Variants in VANGL2 observed in about 807,000 individuals in gnomAD.
VANGL2 encodes vang-like protein 2.
Under a neutral mutation model 50.2 loss-of-function variants are expected in VANGL2, and 14 were observed. The observed-to-expected ratio is 0.28, with a 90% CI of 0.18 to 0.44. The LOEUF is 0.44. Among genes scored for constraint, VANGL2 ranks in the 20% least tolerant of loss-of-function variants. The pLI is 1.00. For synonymous variants in VANGL2, 295 were observed against 297.2 expected (o/e 0.99, Z 0.08); for missense variants, 533 against 701.5 (o/e 0.76, Z 2.71).
At chr1:160,416,880 A>T (rs561968164) in intron 3 of VANGL2, among the ~76,000 whole-genome samples, 1 of 152,114 alleles carries the variant, frequency 6.6e-6, no homozygotes, top group African/African-American at 2.4e-5. Flanking sequence ...CCTTGGGATC[A>T]TCTTTGGGGG....
intron 1 of VANGL2, among the ~76,000 whole-genome samples, chr1:160,415,348 T>C (rs1651017923): frequency 6.6e-6 from 1 of 152,206 alleles, no homozygotes; most frequent in African/African-American, 2.4e-5. Flanking sequence ...AGCAATGCCC[T>C]GCTCCTCCCT....
chr1:160,415,530 T>TC, intron 1 of VANGL2, 118 bp from the exon 2 acceptor site: 1 of 425,808 alleles, frequency 2.3e-6, no homozygotes, highest in South Asian at 2.2e-5. Context: ...GGAGATATTC[T>TC]CAGGCTATGG....
At chr1:160,401,773 G>A (rs1456011590) in intron 1 of VANGL2, among the ~76,000 whole-genome samples, 1 of 152,032 alleles carries the variant, frequency 6.6e-6, no homozygotes, top group Non-Finnish European at 1.5e-5. Context: ...ACGGGAAAGA[G>A]GTGTGTAGGT....
Position 160,419,001 on chromosome 1 carries a change from G to T in VANGL2, c.193-1G>T. ...TGTGGCTGGCCCCCTTCTGCCTGTA[G>T]GATGACAACTGGGGGGAAACGACGA... On this transcript the variant is annotated splice_acceptor_variant, in intron 3 of 7. Coordinates refer to ENST00000368061, the MANE Select transcript of VANGL2 (RefSeq NM_020335.3). LOFTEE classifies it high-confidence loss of function. The surrounding 1 kb of genome is among the most constrained non-coding windows in gnomAD (Gnocchi z 5.8). 1 of 1,603,718 alleles carries T rather than the reference G, an allele frequency of 6.2e-7. No homozygotes were observed. The highest frequency in any genetic ancestry group is 8.5e-7 in the Non-Finnish European group (1 of 1,172,732).
chr1:160,407,127 A>C (rs770052350), intron 1 of VANGL2, among the ~76,000 whole-genome samples: 3 of 152,190 alleles, frequency 2.0e-5, no homozygotes, highest in Admixed American at 6.5e-5. Context: ...GACTGTGAAC[A>C]AAAACATGCA....
rs1393897679 is a variant in VANGL2 at position 160,427,247 on chromosome 1, A to G, written c.*1869A>G. 1 of 152,682 alleles carries G rather than the reference A, an allele frequency of 6.5e-6. No homozygotes were observed. The highest frequency in any genetic ancestry group is 1.9e-4 in the East Asian group (1 of 5,196). 9.5% of individuals were successfully genotyped at this position (152,682 alleles called of 1,614,324 possible). ...CACATAAATACCTCACTATCCTGGA[A>G]AACAGGGCCTGGATGGTGACTGGGG... On this transcript the variant is annotated 3_prime_UTR_variant, in exon 8 of 8. Coordinates refer to ENST00000368061, the MANE Select transcript of VANGL2 (RefSeq NM_020335.3).
rs1305988614 is a variant in VANGL2, at chr1:160,428,262, C to T, written c.*2884C>T. 1 of 152,816 alleles carries T rather than the reference C, an allele frequency of 6.5e-6. No homozygotes were observed. The highest frequency in any genetic ancestry group is 1.5e-5 in the Non-Finnish European group (1 of 68,180). 9.5% of individuals were successfully genotyped at this position (152,816 alleles called of 1,614,324 possible). On this transcript the variant is annotated 3_prime_UTR_variant, in exon 8 of 8. Transcript: ENST00000368061. Reference sequence around the variant, plus strand: ...GTCCCAGGCTAACTCCCCTGTTCCTCTGTGGTGTCTGTCAGTCCGTCTGTC... The same window carrying T: ...GTCCCAGGCTAACTCCCCTGTTCCTTTGTGGTGTCTGTCAGTCCGTCTGTC...
At chr1:160,420,572 T>G (rs1036285620) in intron 5 of VANGL2, 25 bp downstream of exon 5, 1 of 1,614,024 alleles carries the variant, frequency 6.2e-7, no homozygotes, top group Admixed American at 1.7e-5. Context: ...TCCTCTGCCC[T>G]TCCCTGTCTC....
chr1:160,403,069 A>G (rs980233312), intron 1 of VANGL2, among the ~76,000 whole-genome samples: 1 of 151,958 alleles, frequency 6.6e-6, no homozygotes, highest in Non-Finnish European at 1.5e-5. Flanking sequence ...AGGCCTGGAG[A>G]TAAGAGTAGT....
intron 1 of VANGL2, among the ~76,000 whole-genome samples, chr1:160,412,381 C>A (rs770301120): frequency 7.9e-5 from 12 of 151,986 alleles, no homozygotes. Flanking sequence ...GTGACCCACT[C>A]GTTGCCTTTG....
chr1:160,415,896 C>T lies in VANGL2; in HGVS notation c.59C>T (p.Ser20Phe). The change falls in exon 2 of 8, where the codon TCC becomes TTC. Residue 20 changes from serine (S) to phenylalanine (F), a missense_variant. By Grantham distance (155) the Ser-to-Phe change is radical. Transcript: ENST00000368061. ...TACAAGTCGGGCCACTCCCGCAGCT[C>T]CCGCAAGCACAGGTGGGCAGGCATG... is the stretch of plus-strand genomic sequence containing the variant. ...YSYKSGHSRS[S>F]RKHRDRRDRH... is the part of the protein sequence containing the mutation. 6.2e-7 allele frequency: 1 copy of T among 1,614,140 alleles called. No homozygotes were observed. Among genetic ancestry groups the T allele is most frequent in the East Asian group, 2.2e-5 (1 of 44,872 alleles).
At chr1:160,420,133 C>T (rs914247787) in intron 4 of VANGL2, among the ~76,000 whole-genome samples, 5 of 152,088 alleles carry the variant, frequency 3.3e-5, no homozygotes, top group African/African-American at 7.2e-5. Flanking sequence ...CTTGGGGGAA[C>T]GCTGAATGGG....
Position 160,408,480 on chromosome 1 carries a change from C to G in VANGL2, c.-190-7168C>G, listed in dbSNP as rs12047327. 2.1e-3 allele frequency among the ~76,000 whole-genome samples: 319 copies of G among 152,290 alleles called. 2 individuals carry two copies. The East Asian group carries it at 0.024, about 12-fold the overall frequency. On this transcript the variant is annotated intron_variant, in intron 1 of 7. Transcript: ENST00000368061. ...GGAGCCCAGTCTGTGGGCCCTTCCCCTGCGGTGCACCCTGCACTGGGGTCT... is the reference window on the plus strand; with the variant it reads ...GGAGCCCAGTCTGTGGGCCCTTCCCGTGCGGTGCACCCTGCACTGGGGTCT...
chr1:160,408,139 G>T (rs1022303838), intron 1 of VANGL2, among the ~76,000 whole-genome samples: 2 of 151,830 alleles, frequency 1.3e-5, no homozygotes, highest in Non-Finnish European at 2.9e-5. Flanking sequence ...GTGTTGGGGG[G>T]CAGGTACCTT....
chr1:160,420,964 A>T, intron 5 of VANGL2, 88 bp from the exon 6 acceptor site: 2 of 1,579,048 alleles, frequency 1.3e-6, no homozygotes, highest in Non-Finnish European at 1.7e-6. Flanking sequence ...TCTTCTGGAC[A>T]TGTCAGGCTG....
chr1:160,402,977 CAATTGG>C (rs367665566), intron 1 of VANGL2, among the ~76,000 whole-genome samples: 24 of 152,158 alleles, frequency 1.6e-4, no homozygotes, highest in African/African-American at 5.8e-4. Context: ...TGGGCAATTG[CAATTGG>C]AATGTTAGAG....
intron 3 of VANGL2, among the ~76,000 whole-genome samples, chr1:160,416,420 TG>T (rs929804827): frequency 6.6e-6 from 1 of 151,040 alleles, no homozygotes; most frequent in Non-Finnish European, 1.5e-5. Flanking sequence ...TCCAGAGGAG[TG>T]GGGGGTGACC....
At chr1:160,425,016 G>A (rs1651401820) in intron 7 of VANGL2, 102 bp from the exon 8 acceptor site, 2 of 1,547,462 alleles carry the variant, frequency 1.3e-6, no homozygotes, top group Non-Finnish European at 1.8e-6. Flanking sequence ...CATAGAGTGA[G>A]CTCAGGGACG....
At chr1:160,415,619 G>T (rs1221543346) in intron 1 of VANGL2, 29 bp from the exon 2 acceptor site, 7 of 595,818 alleles carry the variant, frequency 1.2e-5, no homozygotes, top group Non-Finnish European at 1.8e-5. Flanking sequence ...AGCTCGAGCC[G>T]CCTCTAACTA....
Sources: allele counts gnomAD v4.1 joint callset (sites outside exome capture counted in the v4.1 genomes callset), GRCh38; gene constraint gnomAD v4.1.1; non-coding constraint Gnocchi (gnomAD v3.1); transcripts MANE v1.5; gene names NCBI Gene and HGNC (gene_info 2026-07-23, HGNC 2026-07-21).